Variants in DENND1B observed in about 807,000 individuals in gnomAD.
DENND1B encodes DENN domain-containing protein 1B.
A neutral mutation model predicts 90.1 loss-of-function variants in DENND1B; 59 were observed. The ratio of observed to expected loss-of-function variants is 0.65; its 90% CI spans 0.53 to 0.81. The LOEUF (loss-of-function observed/expected upper bound fraction) is 0.81. Ranked by LOEUF, DENND1B falls within the 40% of genes least tolerant of loss-of-function variation. DENND1B has a pLI of 0.00. For missense variants in DENND1B, 862 were observed against 912.6 expected (o/e 0.94, Z 0.71); for synonymous variants, 337 against 324.6 (o/e 1.04, Z -0.41).
At chr1:197,770,625 T>C (rs1394060236) in intron 2 of DENND1B, among the ~76,000 whole-genome samples, 1 of 105,752 alleles carries the variant, frequency 9.5e-6, no homozygotes, top group East Asian at 2.6e-4. Flanking sequence ...TCTATAAATA[T>C]ATATAAAAAT....
At chr1:197,705,748 T>TA (rs1659470069) in intron 3 of DENND1B, among the ~76,000 whole-genome samples, 3 of 151,010 alleles carry the variant, frequency 2.0e-5, no homozygotes, top group Non-Finnish European at 4.4e-5. Context: ...ATATATATAT[T>TA]GGAATGGTAA....
chr1:197,688,462 G>A (rs577052999), intron 3 of DENND1B, among the ~76,000 whole-genome samples: 1 of 152,124 alleles, frequency 6.6e-6, no homozygotes, highest in East Asian at 1.9e-4. Context: ...GGTACTGGCA[G>A]AAAGACAGAC....
intron 15 of DENND1B, among the ~76,000 whole-genome samples, chr1:197,563,727 C>T (rs1367420169): frequency 6.6e-6 from 1 of 151,926 alleles, no homozygotes; most frequent in Non-Finnish European, 1.5e-5. Flanking sequence ...GCTACAGCTA[C>T]CATAGGTAGT....
Position 197,605,403 on chromosome 1 carries a change from T to C in DENND1B, c.921+1670A>G, listed in dbSNP as rs1676582589. ...AAAATAAAATTTCAAAGATTATTTT[T>C]TCAAGAATCATCTATCATTGATTGA... is the stretch of plus-strand genomic sequence containing the variant. On this transcript the variant is annotated intron_variant, in intron 13 of 22. Transcript: ENST00000620048. The C allele has an allele frequency of 2.0e-5, 3 of 151,198 alleles. No individual in the cohort carries two copies. The South Asian group carries it at 6.2e-4, about 31-fold the overall frequency. The allele number at this position is 151,198 out of a possible 1,614,324, so 9.4% of individuals were successfully genotyped here. A position where few individuals can be genotyped will look rare whatever the true frequency, so the allele number is the denominator to read the frequency against.
chr1:197,636,820 G>A (rs796262421), intron 10 of DENND1B, among the ~76,000 whole-genome samples: 156 of 152,178 alleles, frequency 1.0e-3, no homozygotes, highest in African/African-American at 3.4e-3. Flanking sequence ...AGATTAAGGA[G>A]GTAGAACCTA....
At chr1:197,523,047 C>T (rs2125616738) in intron 20 of DENND1B, among the ~76,000 whole-genome samples, 1 of 152,118 alleles carries the variant, frequency 6.6e-6, no homozygotes, top group Non-Finnish European at 1.5e-5. Flanking sequence ...ACCTCGTGCT[C>T]ATAAGAAAAA....
intron 6 of DENND1B, among the ~76,000 whole-genome samples, chr1:197,655,766 T>C (rs1280155189): frequency 2.0e-5 from 3 of 152,186 alleles, no homozygotes; most frequent in Non-Finnish European, 2.9e-5. Context: ...TCTCCTGACC[T>C]CGTGATCCGC....
intron 20 of DENND1B, 132 bp downstream of exon 20, chr1:197,539,832 C>CCT: frequency 1.4e-6 from 1 of 691,426 alleles, no homozygotes; most frequent in Non-Finnish European, 2.4e-6. Context: ...TCCACTAACT[C>CCT]CTCCCCTTGA....
intron 20 of DENND1B, among the ~76,000 whole-genome samples, chr1:197,516,262 T>A (rs1385034585): frequency 2.0e-5 from 3 of 151,854 alleles, no homozygotes; most frequent in Non-Finnish European, 4.4e-5. Context: ...TAAAATTATA[T>A]ACATATATGA....
At chr1:197,749,927 A>T (rs1653246311) in intron 2 of DENND1B, among the ~76,000 whole-genome samples, 1 of 152,170 alleles carries the variant, frequency 6.6e-6, no homozygotes, top group Non-Finnish European at 1.5e-5. Context: ...GGCCCACTGC[A>T]GCCTGGAGCT....
intron 2 of DENND1B, among the ~76,000 whole-genome samples, chr1:197,727,713 T>A (rs957040415): frequency 6.6e-6 from 1 of 152,200 alleles, no homozygotes; most frequent in African/African-American, 2.4e-5. Context: ...ATTTGTCATG[T>A]GACATTACAC....
chr1:197,539,944 G>A lies in DENND1B; in HGVS notation c.1515+20C>T. On this transcript the variant is annotated intron_variant, in intron 20 of 22. Coordinates refer to ENST00000620048, the MANE Select transcript of DENND1B (RefSeq NM_001195215.2). The stretch of plus-strand genomic sequence containing the variant: ...TAATTTGAGAATGTGGGGGAATGAA[G>A]GGTAAATAACCTTACTTACCTGAGC... The A allele has an allele frequency of 4.0e-6, 6 of 1,502,894 alleles. No homozygotes were observed. Among genetic ancestry groups the A allele is most frequent in the Non-Finnish European group, 5.5e-6 (6 of 1,084,658 alleles). The allele number at this position is 1,502,894 out of a possible 1,614,324, so 93.1% of individuals were successfully genotyped here.
intron 15 of DENND1B, among the ~76,000 whole-genome samples, chr1:197,571,142 C>A (rs1415479313): frequency 6.6e-6 from 1 of 152,108 alleles, no homozygotes; most frequent in Non-Finnish European, 1.5e-5. Context: ...TCCTGGACAA[C>A]TGAAAAAGCC....
intron 22 of DENND1B, among the ~76,000 whole-genome samples, chr1:197,511,405 G>T (rs556212643): frequency 6.6e-6 from 1 of 151,726 alleles, no homozygotes; most frequent in Middle Eastern, 3.4e-3. Context: ...AGGAAATATG[G>T]GGAAAAAGTG....
chr1:197,600,976 A>T (rs2125823259), intron 13 of DENND1B, among the ~76,000 whole-genome samples: 1 of 151,580 alleles, frequency 6.6e-6, no homozygotes, highest in South Asian at 2.1e-4. Flanking sequence ...CACCACAGAG[A>T]CACACATGGT....
intron 2 of DENND1B, among the ~76,000 whole-genome samples, chr1:197,717,800 G>A (rs1424337771): frequency 6.6e-6 from 1 of 151,878 alleles, no homozygotes; most frequent in African/African-American, 2.4e-5. Flanking sequence ...TAGAATACCA[G>A]TGTGATTCTA....
At position 197,508,462 on chromosome 1, in the gene DENND1B, A is replaced by T. The variant is rs1437782874; in HGVS notation, c.*1998T>A. On this transcript the variant is annotated 3_prime_UTR_variant, in exon 23 of 23. Transcript: ENST00000620048. ...TAAGGATTAAACATTGTTTTCCTTA[A>T]TGTATACAGTCCATACTTATAAGGG... is the stretch of plus-strand genomic sequence containing the variant. The T allele has an allele frequency of 6.6e-6, 1 of 151,732 alleles. No individual in the cohort carries two copies. Among genetic ancestry groups the T allele is most frequent in the African/African-American group, 2.4e-5 (1 of 41,384 alleles). 9.4% of individuals were successfully genotyped at this position (151,732 alleles called of 1,614,324 possible).
intron 9 of DENND1B, among the ~76,000 whole-genome samples, chr1:197,643,772 C>T (rs1051524680): frequency 6.6e-6 from 1 of 152,200 alleles, no homozygotes; most frequent in Non-Finnish European, 1.5e-5. Context: ...TTATCCCCCA[C>T]ATGAGAATGA....
rs1678058488 is a variant in DENND1B at position 197,620,518 on chromosome 1, A to G, written c.673-2759T>C. Among the ~76,000 whole-genome samples the G allele has an allele frequency of 2.0e-5, 3 of 151,148 alleles. No homozygotes were observed. In the South Asian group the frequency reaches 6.2e-4, roughly 31 times the overall value. On this transcript the variant is annotated intron_variant, in intron 10 of 22. Transcript: ENST00000620048. Reference sequence around the variant, plus strand: ...AGATCAGATGAATTCTATCTTTTTTATATTCTTATGTATTGAGATTTCTTC... The same window carrying G: ...AGATCAGATGAATTCTATCTTTTTTGTATTCTTATGTATTGAGATTTCTTC...
Sources: allele counts gnomAD v4.1 joint callset (sites outside exome capture counted in the v4.1 genomes callset), GRCh38; gene constraint gnomAD v4.1.1; transcripts MANE v1.5; gene names NCBI Gene and HGNC (gene_info 2026-07-23, HGNC 2026-07-21).